ANKRD30A: variants seen among roughly 807,000 people sequenced by gnomAD.
ANKRD30A encodes the protein ankyrin repeat domain 30A, also known as ankyrin repeat domain-containing protein 30A.
A neutral mutation model predicts 166.3 loss-of-function variants in ANKRD30A; 170 were observed. That is an observed-to-expected ratio of 1.02 (90% CI 0.90 to 1.16). The LOEUF is 1.16. Ranked by LOEUF, ANKRD30A falls within the 50% of genes most tolerant of loss-of-function variation. ANKRD30A has a pLI of 0.00. For missense variants in ANKRD30A, 1,630 were observed against 1,518.0 expected, an observed-to-expected ratio of 1.07 and a Z score of -1.23; for synonymous variants, 564 against 508.9, an observed-to-expected ratio of 1.11 and a Z score of -1.46.
chr10:37,159,027 CTG>C (rs1161568543), intron 15 of ANKRD30A, among the ~76,000 whole-genome samples: 1 of 151,956 alleles, frequency 6.6e-6, no homozygotes, highest in Admixed American at 6.6e-5. Context: ...GATTAGCTGA[CTG>C]TGTGTGTGAC....
downstream of ANKRD30A, among the ~76,000 whole-genome samples, chr10:37,233,893 A>G (rs367644195): frequency 1.3e-5 from 2 of 152,228 alleles, no homozygotes; most frequent in African/African-American, 4.8e-5. Flanking sequence ...CTATAATTCT[A>G]GAAAGCAAAA....
Position 37,193,188 on chromosome 10 carries a change from T to C in ANKRD30A, c.2544T>C (p.Ala848=). 6.2e-7 allele frequency: 1 copy of C among 1,611,982 alleles called. No individual in the cohort carries two copies. Among genetic ancestry groups the C allele is most frequent in the Non-Finnish European group, 8.5e-7 (1 of 1,179,306 alleles). The part of the protein sequence containing the change: ...ESPDNDGFLK[A]PCRMKVSIPT... ...GTTTTGTTTCTAAACCCATTTAGGC[T>C]CCCTGCAGAATGAAAGTTTCTATTC... The change falls in exon 27 of 36, where the codon GCT becomes GCC. Residue 848 remains alanine, a splice_region_variant and synonymous_variant. Coordinates refer to ENST00000361713, the MANE Select transcript of ANKRD30A (RefSeq NM_052997.3).
the ANKRD30A span, among the ~76,000 whole-genome samples, chr10:37,259,899 G>A: frequency 6.6e-6 from 1 of 152,142 alleles, no homozygotes; most frequent in Non-Finnish European, 1.5e-5. Context: ...GTTTGCATGA[G>A]CATGTTCACT....
chr10:37,178,639 A>G, intron 24 of ANKRD30A: 6 of 932,014 alleles, frequency 6.4e-6, no homozygotes, highest in Non-Finnish European at 7.7e-6. Flanking sequence ...TCAGGGGAGA[A>G]GAAGAAAGGA....
intron 26 of ANKRD30A, 22 bp from the exon 27 acceptor site, chr10:37,193,164 T>C: frequency 6.2e-7 from 1 of 1,611,122 alleles, no homozygotes. Context: ...ATATTAATTG[T>C]TTTGTTTCTA....
chr10:37,145,464 C>A (rs1167598500), intron 8 of ANKRD30A, among the ~76,000 whole-genome samples: 1 of 151,936 alleles, frequency 6.6e-6, no homozygotes. Context: ...CCATTGCACT[C>A]CAGTCTGGGT....
intron 11 of ANKRD30A, 114 bp from the exon 12 acceptor site, chr10:37,151,946 C>T (rs748579893): frequency 5.0e-5 from 43 of 864,268 alleles, no homozygotes; most frequent in Middle Eastern, 2.4e-4. Flanking sequence ...AAAGAATATA[C>T]GGGCCACAGA....
At chr10:37,255,481 C>T in the ANKRD30A span, among the ~76,000 whole-genome samples, 3 of 152,134 alleles carry the variant, frequency 2.0e-5, no homozygotes, top group African/African-American at 7.2e-5. Flanking sequence ...GTGGTAAAAG[C>T]ATATGTAATA....
Position 37,231,607 on chromosome 10 carries a change from T to A in ANKRD30A, c.*138T>A, listed in dbSNP as rs79837024. 2.8e-5 allele frequency: 16 copies of A among 567,004 alleles called. No homozygotes were observed. Among genetic ancestry groups the A allele is most frequent in the Non-Finnish European group, 4.6e-5 (16 of 350,714 alleles). The allele number at this position is 567,004 out of a possible 1,614,324, so 35.1% of individuals were successfully genotyped here. On this transcript the variant is annotated 3_prime_UTR_variant, in exon 35 of 36. Coordinates refer to ENST00000361713, the MANE Select transcript of ANKRD30A (RefSeq NM_052997.3). ...GTCTGTGTCAACAGAATACTTATTT[T>A]AGAAGAAAAATTCATGATTTCTTCC...
At position 37,201,267 on chromosome 10, in the gene ANKRD30A, G is replaced by T. The variant is rs561040624; in HGVS notation, c.2811G>T (p.Val937=). The T allele has an allele frequency of 1.9e-6, 3 of 1,595,048 alleles. No homozygotes were observed. The highest frequency in any genetic ancestry group is 1.7e-6 in the Non-Finnish European group (2 of 1,172,284). The change falls in exon 31 of 36, where the codon GTG becomes GTT. Residue 937 remains valine (V), a synonymous_variant. Transcript: ENST00000361713. Reference sequence around the variant, plus strand: ...GTGAGACTGTTTCACAGAAGGATGTGTGTGTACCCAAGGCTACACATCAAA... The same window carrying T: ...GTGAGACTGTTTCACAGAAGGATGTTTGTGTACCCAAGGCTACACATCAAA... The part of the protein sequence containing the change: ...SLRETVSQKD[V]CVPKATHQKE...
intron 21 of ANKRD30A, among the ~76,000 whole-genome samples, chr10:37,171,807 C>T (rs533202489): frequency 1.3e-5 from 2 of 149,854 alleles, no homozygotes; most frequent in African/African-American, 4.9e-5. Context: ...TCTCTTTTTC[C>T]CTAGAGAGGA....
At chr10:37,154,634 G>T (rs957777947) in intron 13 of ANKRD30A, among the ~76,000 whole-genome samples, 4 of 152,142 alleles carry the variant, frequency 2.6e-5, no homozygotes, top group African/African-American at 9.7e-5. Flanking sequence ...CACAGGTGTT[G>T]AATGGGAAGA....
In ANKRD30A at chr10:37,142,036, CT is replaced by C; in HGVS notation, c.1140del (p.Arg381GlyfsTer16). On this transcript the variant is annotated frameshift_variant, in exon 7 of 36. Coordinates refer to ENST00000361713, the MANE Select transcript of ANKRD30A (RefSeq NM_052997.3). LOFTEE classifies it high-confidence loss of function. ...EKFTWPAKGR[P>X]RKIAWEKKED... is the part of the protein sequence containing the mutation. ...TTTACGTGGCCAGCAAAAGGAAGAC[CT>C]AGGAAGATCGCATGGGAGAAAAAAG... 6.2e-7 allele frequency: 1 copy of C among 1,613,910 alleles called. No homozygotes were observed. Among genetic ancestry groups the C allele is most frequent in the East Asian group, 2.2e-5 (1 of 44,878 alleles).
chr10:37,242,851 G>T, the ANKRD30A span, among the ~76,000 whole-genome samples: 1 of 152,038 alleles, frequency 6.6e-6, no homozygotes, highest in Non-Finnish European at 1.5e-5. Context: ...GTACCAGGTG[G>T]GCATAAACTT....
chr10:37,137,283 T>A (rs573157066), intron 6 of ANKRD30A, among the ~76,000 whole-genome samples: 39 of 152,240 alleles, frequency 2.6e-4, no homozygotes, highest in Admixed American at 4.6e-4. Flanking sequence ...AGTCTACAGC[T>A]CCCAGCGTGA....
chr10:37,254,688 T>TTTTC, the ANKRD30A span, among the ~76,000 whole-genome samples: 7 of 144,882 alleles, frequency 4.8e-5, no homozygotes, highest in African/African-American at 1.8e-4. Context: ...CTTTTCTTTT[T>TTTTC]TTTTTTTTTT....
intron 27 of ANKRD30A, among the ~76,000 whole-genome samples, chr10:37,194,191 A>T (rs1840855558): frequency 6.6e-6 from 1 of 152,112 alleles, no homozygotes; most frequent in Non-Finnish European, 1.5e-5. Flanking sequence ...CTCCATCTGA[A>T]AAAGCAAAGA....
intron 31 of ANKRD30A, among the ~76,000 whole-genome samples, chr10:37,204,912 CCA>C: frequency 6.6e-6 from 1 of 152,240 alleles, no homozygotes; most frequent in East Asian, 1.9e-4. Context: ...TCATCTCACA[CCA>C]GTTAGAATGG....
rs376060117 is a variant in ANKRD30A at position 37,137,495 on chromosome 10, C to T, written c.820+824C>T. On this transcript the variant is annotated intron_variant, in intron 6 of 35. Coordinates refer to ENST00000361713, the MANE Select transcript of ANKRD30A (RefSeq NM_052997.3). ...CCTAGTCAAAGAAAGGGGTGACAGACGGCACCTGGAAAATCGGGTCACTCC... is the reference window on the plus strand; with the variant it reads ...CCTAGTCAAAGAAAGGGGTGACAGATGGCACCTGGAAAATCGGGTCACTCC... 1.1e-4 allele frequency among the ~76,000 whole-genome samples: 17 copies of T among 152,268 alleles called. 1 individual carries two copies. Among genetic ancestry groups the T allele is most frequent in the Middle Eastern group, 6.8e-3 (2 of 294 alleles).
Sources: gnomAD v4.1 joint callset for allele counts (sites outside exome capture counted in the v4.1 genomes callset) on GRCh38, gnomAD v4.1.1 for gene constraint, MANE v1.5 for transcripts, NCBI Gene and HGNC (gene_info 2026-07-23, HGNC 2026-07-21) for gene names.